CIITA: variants seen among roughly 807,000 people sequenced by gnomAD.
CIITA encodes the protein class II major histocompatibility complex transactivator.
CIITA carries 72 observed loss-of-function variants against 115.1 expected under a neutral mutation model. The observed-to-expected ratio is 0.63, with a 90% CI of 0.52 to 0.76. The LOEUF is 0.76. Ranked by LOEUF, CIITA falls within the 30% of genes least tolerant of loss-of-function variation. CIITA has a pLI of 0.00. For synonymous variants in CIITA, 763 were observed against 635.6 expected, an observed-to-expected ratio of 1.20 and a Z score of -3.02; for missense variants, 1,617 against 1,463.8, an observed-to-expected ratio of 1.10 and a Z score of -1.71.
chr16:10,870,955 AT>A (rs1439213769), intron 1 of CIITA, among the ~76,000 whole-genome samples: 1 of 152,210 alleles, frequency 6.6e-6, no homozygotes, highest in Non-Finnish European at 1.5e-5. Flanking sequence ...CACCTACCCC[AT>A]GCAAAATGCA....
chr16:10,902,336 G>A, intron 7 of CIITA, 152 bp downstream of exon 7: 2 of 1,161,754 alleles, frequency 1.7e-6, no homozygotes, highest in Non-Finnish European at 2.5e-6. Flanking sequence ...TTTTATCCTT[G>A]GGGCCCCCGT....
chr16:10,867,799 A>G (rs2035194050), intron 1 of CIITA, among the ~76,000 whole-genome samples: 1 of 152,294 alleles, frequency 6.6e-6, no homozygotes, highest in South Asian at 2.1e-4. Context: ...TCTCTTGCCC[A>G]GGCTGGAGTG....
Position 10,922,425 on chromosome 16 carries a change from C to T in CIITA, c.3252C>T (p.Phe1084=), listed in dbSNP as rs1487219610. Reference sequence around the variant, plus strand: ...TTGCCAGCGTCCAGTACAACAAGTTCACGGCTGCCGGGGCCCAGCAGCTCG... The same window carrying T: ...TTGCCAGCGTCCAGTACAACAAGTTTACGGCTGCCGGGGCCCAGCAGCTCG... The part of the protein sequence containing the change: ...LRVMDVQYNK[F]TAAGAQQLAA... The change falls in exon 18 of 20, where the codon TTC becomes TTT. Residue 1084 remains phenylalanine (F), a synonymous_variant. Coordinates refer to ENST00000324288, the MANE Select transcript of CIITA (RefSeq NM_000246.4). 2 of 1,614,216 alleles carry T rather than the reference C, an allele frequency of 1.2e-6. No homozygotes were observed. The highest frequency in any genetic ancestry group is 1.1e-5 in the South Asian group (1 of 91,084).
rs1243177242 is a variant in CIITA, at chr16:10,907,811, A to G, written c.2319A>G (p.Leu773=). ...CTCCCGCCCGCTGCCTGGGAGCCCT[A>G]CTCGGGCCATCGGCGGCTGCCTCGG... is the stretch of plus-strand genomic sequence containing the variant. The part of the protein sequence containing the change: ...FQPPARCLGA[L]LGPSAAASVD... Residue 773 remains leucine, a synonymous_variant, in exon 11 of 20, where the codon CTA becomes CTG. Transcript: ENST00000324288. This position sits in a 1 kb window ranked among gnomAD's most constrained non-coding sequence, Gnocchi z 5.0. 6.2e-7 allele frequency: 1 copy of G among 1,613,876 alleles called. No homozygotes were observed. Among genetic ancestry groups the G allele is most frequent in the Admixed American group, 1.7e-5 (1 of 60,014 alleles).
In CIITA at chr16:10,935,399, G is replaced by A. The variant is rs563933261; in HGVS notation, c.*11544G>A. 3 of 152,338 alleles carry A rather than the reference G, an allele frequency of 2.0e-5. No homozygotes were observed. The highest frequency in any genetic ancestry group is 2.0e-4 in the Admixed American group (3 of 15,308). 9.4% of individuals were successfully genotyped at this position (152,338 alleles called of 1,614,324 possible). A position where few individuals can be genotyped will look rare whatever the true frequency, so the allele number is the denominator to read the frequency against. ...CTTTTTAACAAAGAATACAGGCCAA[G>A]GCCCTGTGACTTTAGCTGGCTTTGG... On this transcript the variant is annotated 3_prime_UTR_variant, in exon 20 of 20. Transcript: ENST00000324288.
At chr16:10,896,156 T>C (rs1426522331) in intron 3 of CIITA, among the ~76,000 whole-genome samples, 2 of 152,166 alleles carry the variant, frequency 1.3e-5, no homozygotes, top group African/African-American at 4.8e-5. Context: ...ATTTACTGGA[T>C]ACTCATAGTA....
chr16:10,878,477 G>GT (rs2036060955), intron 1 of CIITA, among the ~76,000 whole-genome samples: 1 of 152,322 alleles, frequency 6.6e-6, no homozygotes, highest in East Asian at 1.9e-4. Context: ...TGTGGTCATG[G>GT]TAACACAGGT....
At chr16:10,887,243 T>TG (rs940146958) in intron 1 of CIITA, among the ~76,000 whole-genome samples, 44 of 151,336 alleles carry the variant, frequency 2.9e-4, no homozygotes, top group East Asian at 5.8e-4. Flanking sequence ...AGGTTGGTGT[T>TG]GGGGGGGGCC....
chr16:10,900,047 C>G (rs1051893677), intron 5 of CIITA, among the ~76,000 whole-genome samples: 1 of 152,114 alleles, frequency 6.6e-6, no homozygotes, highest in East Asian at 1.9e-4. Flanking sequence ...CGCCACTGCA[C>G]TCCAGCCTGG....
intron 1 of CIITA, among the ~76,000 whole-genome samples, chr16:10,883,322 G>C (rs534773824): frequency 3.9e-5 from 6 of 152,346 alleles, no homozygotes; most frequent in Admixed American, 3.9e-4. Flanking sequence ...GCTATCTGGA[G>C]CTGGGACAGA....
Position 10,907,940 on chromosome 16 carries a change from C to T in CIITA, c.2448C>T (p.Ala816=), listed in dbSNP as rs112250421. 6,759 of 1,562,952 alleles carry T rather than the reference C, an allele frequency of 4.3e-3. 24 individuals are homozygous for T. Among genetic ancestry groups the T allele is most frequent in the Non-Finnish European group, 5.3e-3 (6,153 of 1,156,048 alleles). Residue 816 remains alanine, a synonymous_variant, in exon 11 of 20, where the codon GCC becomes GCT. Transcript: ENST00000324288. The surrounding 1 kb of genome is among the most constrained non-coding windows in gnomAD (Gnocchi z 5.0). ...AGCTGCTGCACTGCGCCCACGAGGCCGAGGAGGCTGGAATTTGGCAGCACG... is the reference window on the plus strand; with the variant it reads ...AGCTGCTGCACTGCGCCCACGAGGCTGAGGAGGCTGGAATTTGGCAGCACG... ...LLELLHCAHE[A]EEAGIWQHVV... is the part of the protein sequence containing the mutation.
intron 5 of CIITA, among the ~76,000 whole-genome samples, chr16:10,899,811 G>A (rs563592945): frequency 7.9e-5 from 12 of 152,274 alleles, no homozygotes; most frequent in South Asian, 2.1e-4. Context: ...TGGGCGCAGC[G>A]GCTCACACCT....
At chr16:10,908,247 C>A in intron 11 of CIITA, 98 bp downstream of exon 11, 2 of 1,397,120 alleles carry the variant, frequency 1.4e-6, no homozygotes, top group Non-Finnish European at 9.9e-7. Flanking sequence ...TTTTAGTATG[C>A]AGAGCAGCCG....
At chr16:10,908,322 C>G in intron 11 of CIITA, 173 bp downstream of exon 11, 1 of 796,150 alleles carries the variant, frequency 1.3e-6, no homozygotes, top group Non-Finnish European at 2.1e-6. Flanking sequence ...GAGGGGCAGC[C>G]ACTTGCCACA....
chr16:10,923,587 G>A lies in CIITA; in HGVS notation c.*22+262G>A, dbSNP rs1195178652. On this transcript the variant is annotated intron_variant, in intron 19 of 19. Transcript: ENST00000324288. The surrounding 1 kb of genome is among the most constrained non-coding windows in gnomAD (Gnocchi z 5.2). ...GCCATCCACATCCCACAGCCTCAGTGCTTGGAAGAGCTTCCTTTGGGGACT... is the reference window on the plus strand; with the variant it reads ...GCCATCCACATCCCACAGCCTCAGTACTTGGAAGAGCTTCCTTTGGGGACT... 6.6e-6 allele frequency among the ~76,000 whole-genome samples: 1 copy of A among 152,166 alleles called. No individual in the cohort carries two copies. The highest frequency in any genetic ancestry group is 1.5e-5 in the Non-Finnish European group (1 of 68,030).
chr16:10,939,421 A>C (rs1164343768), downstream of CIITA: 1 of 152,206 alleles, frequency 6.6e-6, no homozygotes, highest in Non-Finnish European at 1.5e-5. The surrounding 1 kb of genome is among the most constrained non-coding windows in gnomAD (Gnocchi z 4.9). Flanking sequence ...ATGGCCTTCC[A>C]GGTCCTCCAT....
Position 10,929,506 on chromosome 16 carries a change from C to G in CIITA, c.*5651C>G. The G allele has an allele frequency of 3.0e-6, 3 of 985,662 alleles. No homozygotes were observed. The highest frequency in any genetic ancestry group is 3.6e-6 in the Non-Finnish European group (3 of 829,982). 61.1% of individuals were successfully genotyped at this position (985,662 alleles called of 1,614,324 possible). On this transcript the variant is annotated 3_prime_UTR_variant, in exon 20 of 20. Coordinates refer to ENST00000324288, the MANE Select transcript of CIITA (RefSeq NM_000246.4). This position sits in a 1 kb window ranked among gnomAD's most constrained non-coding sequence, Gnocchi z 4.3. ...CAGTCCCAATCTCTCTTCCACTCTCCTGGGTTCAAACAGGAACCTCTCTGT... is the reference window on the plus strand; with the variant it reads ...CAGTCCCAATCTCTCTTCCACTCTCGTGGGTTCAAACAGGAACCTCTCTGT...
intron 8 of CIITA, 138 bp downstream of exon 8, chr16:10,902,939 C>A: frequency 9.2e-7 from 1 of 1,085,616 alleles, no homozygotes. Context: ...GCACAACTTT[C>A]TCTGTCCCTA....
Position 10,898,936 on chromosome 16 carries a change from C to G in CIITA, c.370C>G (p.Pro124Ala). The G allele has an allele frequency of 6.2e-7, 1 of 1,613,836 alleles. No individual in the cohort carries two copies. The highest frequency in any genetic ancestry group is 8.5e-7 in the Non-Finnish European group (1 of 1,179,988). The part of the protein sequence containing the change: ...LSKDIFKHIG[P>A]DEVIGESMEM... ...TTTTCTCAAAGTAGAGCACATAGGACCAGATGAAGTGATCGGTGAGAGTAT... is the reference window on the plus strand; with the variant it reads ...TTTTCTCAAAGTAGAGCACATAGGAGCAGATGAAGTGATCGGTGAGAGTAT... Residue 124 changes from proline (P) to alanine (A), a missense_variant, in exon 5 of 20, where the codon CCA becomes GCA. Coordinates refer to ENST00000324288, the MANE Select transcript of CIITA (RefSeq NM_000246.4).
Sources: gnomAD v4.1 joint callset for allele counts (sites outside exome capture counted in the v4.1 genomes callset) on GRCh38, gnomAD v4.1.1 for gene constraint, Gnocchi (gnomAD v3.1) non-coding constraint, MANE v1.5 for transcripts, NCBI Gene and HGNC (gene_info 2026-07-23, HGNC 2026-07-21) for gene names.